SRPX: variants seen among roughly 807,000 people sequenced by gnomAD.
SRPX encodes the protein sushi repeat containing protein X-linked, also known as sushi repeat-containing protein SRPX.
In SRPX, 24 loss-of-function variants were observed where a neutral mutation model predicts 38.1. The observed-to-expected ratio is 0.63, with a 90% CI of 0.46 to 0.89. The LOEUF (loss-of-function observed/expected upper bound fraction) is 0.89, where lower values mean the gene tolerates loss of function less well. SRPX is among the 40% of genes least tolerant of loss of function. SRPX has a pLI of 0.00. For synonymous variants in SRPX, 184 were observed against 153.8 expected (o/e 1.20, Z -1.45); for missense variants, 416 against 377.8 (o/e 1.10, Z -0.84).
chrX:38,198,950 C>A (rs1194640618), intron 1 of SRPX, among the ~76,000 whole-genome samples: 1 of 111,138 alleles, frequency 9.0e-6, no homozygotes, highest in South Asian at 3.9e-4. Flanking sequence ...CAGAAACCTG[C>A]CACTATCCTG....
intron 1 of SRPX, among the ~76,000 whole-genome samples, chrX:38,194,964 C>T (rs1450528439): frequency 4.0e-5 from 4 of 100,060 alleles, no homozygotes; most frequent in Admixed American, 1.1e-4. Flanking sequence ...CATCCACTTC[C>T]TCGGTTCAAG....
Position 38,220,777 on chromosome X carries a change from G to T in SRPX, c.16C>A (p.His6Asn). 8.9e-7 allele frequency: 1 copy of T among 1,124,422 alleles called. No individual in the cohort carries two copies. Among genetic ancestry groups the T allele is most frequent in the Non-Finnish European group, 1.2e-6 (1 of 859,237 alleles). The allele number at this position is 1,124,422 out of a possible 1,213,427, so 92.7% of individuals were successfully genotyped here. ...AGCAGCAGCAGCAGCGCGGGCCGAT[G>T]TGCGGGGCTCCCCATGGCGAGCGGG... The part of the protein sequence containing the change: MGSPA[H>N]RPALLLLLPP... The change falls in exon 1 of 10, where the codon CAT becomes AAT. Residue 6 changes from histidine (H) to asparagine (N), a missense_variant. By Grantham distance (68) the His-to-Asn change is moderately conservative. Coordinates refer to ENST00000378533, the MANE Select transcript of SRPX (RefSeq NM_006307.5).
chrX:38,205,526 C>A (rs1939191958), intron 1 of SRPX, among the ~76,000 whole-genome samples: 1 of 111,599 alleles, frequency 9.0e-6, no homozygotes, highest in Non-Finnish European at 1.9e-5. Flanking sequence ...ATAGACCATG[C>A]TTTTGGTGTC....
rs1313134496 is a variant in SRPX, at chrX:38,160,888, C to T, written c.775+45G>A. 2.5e-6 allele frequency: 3 copies of T among 1,194,320 alleles called. No individual in the cohort carries two copies. In the African/African-American group the frequency reaches 5.3e-5, roughly 21 times the overall value. ...GCTTGAGGACCTACTTCCCTTTGCT[C>T]TTCTAAAGAGAGGGGGAAACAAAAC... On this transcript the variant is annotated intron_variant, in intron 6 of 9. Coordinates refer to ENST00000378533, the MANE Select transcript of SRPX (RefSeq NM_006307.5).
At chrX:38,203,342 A>G (rs185500890) in intron 1 of SRPX, among the ~76,000 whole-genome samples, 65 of 112,632 alleles carry the variant, frequency 5.8e-4, no homozygotes, top group African/African-American at 2.0e-3. Context: ...CTTTACGATG[A>G]AAGACTGAGG....
intron 7 of SRPX, 76 bp from the exon 8 acceptor site, chrX:38,157,105 G>C: frequency 9.1e-7 from 1 of 1,099,384 alleles, no homozygotes; most frequent in Admixed American, 2.5e-5. Context: ...ATGACACACA[G>C]AACCATTTGT....
rs59505894 is a variant in SRPX, at chrX:38,183,960, C to CT, written c.98-5617dup. Among the ~76,000 whole-genome samples, 210 of 110,376 alleles carry CT rather than the reference C, an allele frequency of 1.9e-3. 1 individual carries two copies. Among genetic ancestry groups the CT allele is most frequent in the African/African-American group, 6.5e-3 (197 of 30,448 alleles). On this transcript the variant is annotated intron_variant, in intron 1 of 9. Coordinates refer to ENST00000378533, the MANE Select transcript of SRPX (RefSeq NM_006307.5). ...ACAGATTTTCAAAGAAATAGCCACT[C>CT]TTTTTTTTTCCAAAGTTCAAATTAG...
At position 38,208,188 on chromosome X, in the gene SRPX, T is replaced by C. The variant is rs770341767; in HGVS notation, c.97+12508A>G. Among the ~76,000 whole-genome samples, 5 of 111,598 alleles carry C rather than the reference T, an allele frequency of 4.5e-5. No homozygotes were observed. The South Asian group carries it at 1.5e-3, about 34-fold the overall frequency. On this transcript the variant is annotated intron_variant, in intron 1 of 9. Transcript: ENST00000378533. ...TTTCTTTATAATTGAGGTAAACATA[T>C]ATAGTAAAGTGCACAAATCTTAAGT... is the stretch of plus-strand genomic sequence containing the variant.
chrX:38,151,428 G>A (rs1262019306), intron 9 of SRPX, among the ~76,000 whole-genome samples: 1 of 111,988 alleles, frequency 8.9e-6, no homozygotes, highest in Non-Finnish European at 1.9e-5. Flanking sequence ...AGGGAATGTG[G>A]TGGCTGAAGC....
intron 1 of SRPX, among the ~76,000 whole-genome samples, chrX:38,185,467 A>C (rs192434570): frequency 1.8e-5 from 2 of 112,250 alleles, no homozygotes; most frequent in African/African-American, 6.5e-5. Context: ...TTCTGAACAA[A>C]GATCAAATCC....
At chrX:38,211,418 C>T (rs1452499538) in intron 1 of SRPX, among the ~76,000 whole-genome samples, 1 of 111,997 alleles carries the variant, frequency 8.9e-6, no homozygotes, top group East Asian at 2.8e-4. Context: ...AATACCATTG[C>T]TGGCCAGACA....
intron 1 of SRPX, among the ~76,000 whole-genome samples, chrX:38,195,389 T>G (rs5917548): frequency 2.4e-4 from 20 of 84,956 alleles, no homozygotes; most frequent in Admixed American, 6.1e-4. Context: ...GTGGTTTTTT[T>G]TTTTTTTTTT....
intron 3 of SRPX, among the ~76,000 whole-genome samples, chrX:38,173,309 G>C (rs1602448059): frequency 8.9e-6 from 1 of 111,950 alleles, no homozygotes; most frequent in East Asian, 2.8e-4. Flanking sequence ...GGTATGACTT[G>C]TCATGAAGCT....
chrX:38,161,077 C>A (rs373603379), intron 5 of SRPX, 23 bp from the exon 6 acceptor site: 1 of 1,205,682 alleles, frequency 8.3e-7, no homozygotes, highest in Admixed American at 2.2e-5. Flanking sequence ...AAATCAGAAA[C>A]AGGAAAGATG....
intron 1 of SRPX, among the ~76,000 whole-genome samples, chrX:38,199,139 G>A (rs1274985671): frequency 9.6e-6 from 1 of 104,423 alleles, no homozygotes; most frequent in African/African-American, 3.5e-5. Flanking sequence ...GGGCGCAGTA[G>A]CTCACGCCTG....
At chrX:38,151,558 T>C (rs1232799671) in intron 9 of SRPX, among the ~76,000 whole-genome samples, 2 of 111,316 alleles carry the variant, frequency 1.8e-5, no homozygotes, top group Non-Finnish European at 3.8e-5. Context: ...ACCATACACA[T>C]TCCTGTGTAA....
At chrX:38,179,902 C>G (rs763138516) in intron 1 of SRPX, among the ~76,000 whole-genome samples, 1 of 111,038 alleles carries the variant, frequency 9.0e-6, no homozygotes, top group South Asian at 3.9e-4. Flanking sequence ...CCCAGGAGTT[C>G]AAAAAACAGC....
intron 1 of SRPX, among the ~76,000 whole-genome samples, chrX:38,220,060 G>T (rs762150167): frequency 8.8e-6 from 1 of 113,297 alleles, no homozygotes; most frequent in South Asian, 3.6e-4. Flanking sequence ...GCAGATCCTT[G>T]CGCGAGTAGC....
rs766451657 is a variant in SRPX, at chrX:38,154,358, G to A, written c.1211+104C>T. 30 of 919,201 alleles carry A rather than the reference G, an allele frequency of 3.3e-5. 1 individual carries two copies. The East Asian group carries it at 1.0e-3, about 31-fold the overall frequency. The allele number at this position is 919,201 out of a possible 1,213,427, so 75.8% of individuals were successfully genotyped here. A position where few individuals can be genotyped will look rare whatever the true frequency, so the allele number is the denominator to read the frequency against. On this transcript the variant is annotated intron_variant, in intron 9 of 9. Coordinates refer to ENST00000378533, the MANE Select transcript of SRPX (RefSeq NM_006307.5). ...CCCAGAATAAAAGCAATTAAACATT[G>A]AAGGTTGCCTGAACTCAATCCTGAA...
Sources: gnomAD v4.1 joint callset for allele counts (sites outside exome capture counted in the v4.1 genomes callset) on GRCh38, gnomAD v4.1.1 for gene constraint, MANE v1.5 for transcripts, NCBI Gene and HGNC (gene_info 2026-07-23, HGNC 2026-07-21) for gene names.